BMP7: variants seen among roughly 807,000 people sequenced by gnomAD.
BMP7 encodes bone morphogenetic protein 7.
In BMP7, 12 loss-of-function variants were observed where a neutral mutation model predicts 41.2. The ratio of observed to expected loss-of-function variants is 0.29; its 90% confidence interval spans 0.19 to 0.47. The LOEUF (loss-of-function observed/expected upper bound fraction) is 0.47. BMP7 is among the 20% of genes least tolerant of loss of function. The probability of loss-of-function intolerance (pLI) is 0.99; values close to 1 mark genes in which losing one functional copy is unlikely to be tolerated. For synonymous variants in BMP7, 248 were observed against 250.0 expected, an observed-to-expected ratio of 0.99 and a Z score of 0.07; for missense variants, 467 against 606.0, an observed-to-expected ratio of 0.77 and a Z score of 2.41.
Position 57,224,564 on chromosome 20 carries a change from A to T in BMP7, c.611+3665T>A, listed in dbSNP as rs1985263115. The T allele has an allele frequency of 6.6e-6, 1 of 152,592 alleles. No homozygotes were observed. The highest frequency in any genetic ancestry group is 2.4e-5 in the African/African-American group (1 of 41,576). 9.5% of individuals were successfully genotyped at this position (152,592 alleles called of 1,614,324 possible). ...GGCAAACAGCACAACCCCTACCCCAAATATCCTCACCTTCACCTGGAACCA... is the reference window on the plus strand; with the variant it reads ...GGCAAACAGCACAACCCCTACCCCATATATCCTCACCTTCACCTGGAACCA... On this transcript the variant is annotated intron_variant, in intron 2 of 6. Transcript: ENST00000395863. This position sits in a 1 kb window ranked among gnomAD's most constrained non-coding sequence, Gnocchi z 4.8.
intron 2 of BMP7, among the ~76,000 whole-genome samples, chr20:57,209,215 A>G (rs976244403): frequency 6.8e-6 from 1 of 147,154 alleles, no homozygotes; most frequent in African/African-American, 2.5e-5. Context: ...TCTCAAAAAT[A>G]AATGAATAAA....
intron 3 of BMP7, 151 bp downstream of exon 3, chr20:57,202,324 T>G: frequency 9.1e-7 from 1 of 1,097,146 alleles, no homozygotes; most frequent in Non-Finnish European, 1.3e-6. Context: ...AGGGGCTGCT[T>G]CTGGTTTGGA....
At chr20:57,207,347 A>G (rs1256488900) in intron 2 of BMP7, among the ~76,000 whole-genome samples, 2 of 152,244 alleles carry the variant, frequency 1.3e-5, no homozygotes, top group East Asian at 3.8e-4. Context: ...CAGGCCTTCC[A>G]GACCTAGTCA....
At chr20:57,251,055 G>C (rs1200561190) in intron 1 of BMP7, among the ~76,000 whole-genome samples, 2 of 152,202 alleles carry the variant, frequency 1.3e-5, no homozygotes, top group African/African-American at 4.8e-5. Context: ...GTGGGTAACA[G>C]AGCAGCTGAG....
intron 1 of BMP7, among the ~76,000 whole-genome samples, chr20:57,255,331 G>C (rs1166023250): frequency 6.6e-6 from 1 of 152,162 alleles, no homozygotes; most frequent in Non-Finnish European, 1.5e-5. Context: ...AGAATACTGA[G>C]AGAACTGCAT....
At chr20:57,258,662 T>C (rs1201044583) in intron 1 of BMP7, among the ~76,000 whole-genome samples, 3 of 152,194 alleles carry the variant, frequency 2.0e-5, no homozygotes, top group Non-Finnish European at 2.9e-5. Flanking sequence ...GATGCTAAAA[T>C]TGGGGAAAAG....
chr20:57,181,737 G>A (rs1432230718), intron 4 of BMP7, among the ~76,000 whole-genome samples: 4 of 152,100 alleles, frequency 2.6e-5, no homozygotes, highest in African/African-American at 7.2e-5. Context: ...ACATCCCAGG[G>A]CTGGTGGCCC....
intron 1 of BMP7, among the ~76,000 whole-genome samples, chr20:57,230,385 G>T (rs753099597): frequency 6.6e-6 from 1 of 152,072 alleles, no homozygotes; most frequent in African/African-American, 2.4e-5. Context: ...CAAAGGGCCT[G>T]ACTGTGTCAC....
At chr20:57,257,829 A>C (rs1211638680) in intron 1 of BMP7, among the ~76,000 whole-genome samples, 2 of 151,474 alleles carry the variant, frequency 1.3e-5, no homozygotes, top group East Asian at 3.9e-4. Context: ...GCCACCAAAA[A>C]AAAAAAAAAA....
At chr20:57,193,620 T>G (rs1451260078) in intron 3 of BMP7, among the ~76,000 whole-genome samples, 2 of 152,258 alleles carry the variant, frequency 1.3e-5, no homozygotes, top group East Asian at 3.8e-4. Context: ...CGTAGCTGCA[T>G]TTCAATAGTT....
chr20:57,265,047 GAAAAGAAAAGAAAAA>G lies in BMP7; in HGVS notation c.418+643_418+657del. On this transcript the variant is annotated intron_variant, in intron 1 of 6. Coordinates refer to ENST00000395863, the MANE Select transcript of BMP7 (RefSeq NM_001719.3). ...ACTCCGTCTCAAAAAAAAAAAAAAA[GAAAAGAAAAGAAAAA>G]AAAAGAAAAAAGAAAAAAATAAACA... is the stretch of plus-strand genomic sequence containing the variant. 2.6e-5 allele frequency among the ~76,000 whole-genome samples: 3 copies of G among 115,184 alleles called. No individual in the cohort carries two copies. In the Middle Eastern group the frequency reaches 0.013, roughly 484 times the overall value. The allele number at this position is 115,184 out of a possible 152,430, so 75.6% of individuals were successfully genotyped here. A position where few individuals can be genotyped will look rare whatever the true frequency, so the allele number is the denominator to read the frequency against.
chr20:57,207,407 A>C (rs1984757307), intron 2 of BMP7, among the ~76,000 whole-genome samples: 1 of 152,200 alleles, frequency 6.6e-6, no homozygotes, highest in Non-Finnish European at 1.5e-5. Context: ...AGAGTAGAAG[A>C]ACCACCCAGC....
intron 3 of BMP7, among the ~76,000 whole-genome samples, chr20:57,185,629 G>T (rs919459073): frequency 1.3e-5 from 2 of 152,352 alleles, no homozygotes; most frequent in South Asian, 2.1e-4. Context: ...GTGGGCAGCA[G>T]AGGTCTGGCC....
At chr20:57,191,661 C>G (rs1226429827) in intron 3 of BMP7, among the ~76,000 whole-genome samples, 1 of 150,650 alleles carries the variant, frequency 6.6e-6, no homozygotes, top group Non-Finnish European at 1.5e-5. Flanking sequence ...ACCCGGGAGA[C>G]AGAGGTTGCA....
At chr20:57,191,779 C>A in intron 3 of BMP7, among the ~76,000 whole-genome samples, 1 of 138,290 alleles carries the variant, frequency 7.2e-6, no homozygotes. Flanking sequence ...ATATAATATA[C>A]TATATATTAT....
chr20:57,242,117 A>G (rs988207037), intron 1 of BMP7, among the ~76,000 whole-genome samples: 1 of 152,172 alleles, frequency 6.6e-6, no homozygotes, highest in African/African-American at 2.4e-5. Context: ...AATTGAGGGA[A>G]AAGAACCAGT....
At chr20:57,247,813 C>T (rs374872915) in intron 1 of BMP7, among the ~76,000 whole-genome samples, 3 of 152,156 alleles carry the variant, frequency 2.0e-5, no homozygotes, top group South Asian at 4.1e-4. Context: ...ACAAGCAGAA[C>T]TCAAACCAAG....
At chr20:57,257,956 C>A (rs2066140193) in intron 1 of BMP7, among the ~76,000 whole-genome samples, 1 of 151,840 alleles carries the variant, frequency 6.6e-6, no homozygotes, top group African/African-American at 2.4e-5. Context: ...GTAGTCCAAG[C>A]TACATGAAAG....
intron 3 of BMP7, among the ~76,000 whole-genome samples, chr20:57,185,426 GA>G (rs1984187181): frequency 6.6e-6 from 1 of 152,130 alleles, no homozygotes; most frequent in Non-Finnish European, 1.5e-5. Flanking sequence ...AAAGGTGTGA[GA>G]AAAAGGGGAG....
Sources: gnomAD v4.1 joint callset for allele counts (sites outside exome capture counted in the v4.1 genomes callset) on GRCh38, gnomAD v4.1.1 for gene constraint, Gnocchi (gnomAD v3.1) non-coding constraint, MANE v1.5 for transcripts, NCBI Gene and HGNC (gene_info 2026-07-23, HGNC 2026-07-21) for gene names.